The following TTC29 variants were observed in gnomAD, a reference collection of about 807,000 sequenced individuals.
TTC29 encodes tetratricopeptide repeat protein 29.
In TTC29, 49 loss-of-function variants were observed where a neutral mutation model predicts 58.1. The observed-to-expected ratio is 0.84, with a 90% CI of 0.67 to 1.07. The LOEUF is 1.07. Ranked by LOEUF, TTC29 falls within the 50% of genes least tolerant of loss-of-function variation. The pLI is 0.00. For synonymous variants in TTC29, 209 were observed against 196.8 expected (o/e 1.06, Z -0.52); for missense variants, 582 against 555.6 (o/e 1.05, Z -0.48).
chr4:146,776,211 T>C (rs1443857279), intron 11 of TTC29, among the ~76,000 whole-genome samples: 2 of 152,186 alleles, frequency 1.3e-5, no homozygotes, highest in Non-Finnish European at 2.9e-5. Flanking sequence ...AGTCCTTAGA[T>C]TCCTTGGATT....
chr4:146,868,569 T>C (rs941714220), intron 7 of TTC29, among the ~76,000 whole-genome samples: 4 of 152,126 alleles, frequency 2.6e-5, no homozygotes, highest in African/African-American at 9.7e-5. Flanking sequence ...ATTTCAGAAA[T>C]TAACCACTTC....
intron 4 of TTC29, among the ~76,000 whole-genome samples, chr4:146,913,069 T>A (rs1386299408): frequency 1.3e-5 from 2 of 152,128 alleles, no homozygotes; most frequent in African/African-American, 4.8e-5. Flanking sequence ...CTCCACGTGT[T>A]ACCCTAGAAG....
In TTC29 at chr4:146,874,715, C is replaced by A; in HGVS notation, c.799+1G>T. 6.3e-7 allele frequency: 1 copy of A among 1,596,040 alleles called. No individual in the cohort carries two copies. Among genetic ancestry groups the A allele is most frequent in the Non-Finnish European group, 8.5e-7 (1 of 1,170,924 alleles). On this transcript the variant is annotated splice_donor_variant, in intron 7 of 12. Transcript: ENST00000325106. LOFTEE classifies it high-confidence loss of function. ...ATGTGAGAGAGTTCTTTTCCACCCA[C>A]CTTCTTTGGCTATTTCAGAAGCTTT...
At chr4:146,783,638 A>C (rs568212910) in intron 11 of TTC29, among the ~76,000 whole-genome samples, 1 of 152,042 alleles carries the variant, frequency 6.6e-6, no homozygotes, top group East Asian at 1.9e-4. Context: ...TAATGTTTCA[A>C]CAGTTCATCA....
intron 2 of TTC29, among the ~76,000 whole-genome samples, chr4:146,941,599 A>C (rs1488929267): frequency 1.3e-5 from 2 of 152,226 alleles, no homozygotes; most frequent in East Asian, 3.8e-4. Flanking sequence ...CCAATGGCAA[A>C]GGGATGAGTA....
intron 11 of TTC29, among the ~76,000 whole-genome samples, chr4:146,794,973 C>A (rs80192556): frequency 6.6e-6 from 1 of 152,170 alleles, no homozygotes; most frequent in Non-Finnish European, 1.5e-5. Context: ...TTAATAAATG[C>A]AATCCCTCAA....
chr4:146,797,208 C>A (rs553628680), intron 11 of TTC29, among the ~76,000 whole-genome samples: 75 of 152,300 alleles, frequency 4.9e-4, no homozygotes, highest in African/African-American at 1.7e-3. Flanking sequence ...AATCAGATTT[C>A]TCCATTTAAT....
intron 6 of TTC29, among the ~76,000 whole-genome samples, chr4:146,877,407 C>G (rs908881494): frequency 2.0e-5 from 3 of 151,908 alleles, no homozygotes; most frequent in Non-Finnish European, 2.9e-5. Context: ...ACATTGAGAC[C>G]AATACTCAAG....
chr4:146,817,411 C>T (rs2150136183), intron 10 of TTC29, among the ~76,000 whole-genome samples: 1 of 152,238 alleles, frequency 6.6e-6, no homozygotes. Context: ...AATTACAAAC[C>T]ACTGCTCAAT....
intron 10 of TTC29, among the ~76,000 whole-genome samples, chr4:146,817,981 T>C (rs1751531943): frequency 6.6e-6 from 1 of 152,108 alleles, no homozygotes; most frequent in Non-Finnish European, 1.5e-5. Context: ...ATAAAAACCC[T>C]AGAAGAAAAC....
At chr4:146,878,889 G>T (rs67047211) in intron 6 of TTC29, among the ~76,000 whole-genome samples, 4,956 of 152,124 alleles carry the variant, frequency 0.033, 137 homozygotes, top group East Asian at 0.13. Flanking sequence ...TGACATCTGT[G>T]GGGGGCTCTG....
At chr4:146,802,941 T>A (rs879292478) in intron 11 of TTC29, among the ~76,000 whole-genome samples, 2 of 152,224 alleles carry the variant, frequency 1.3e-5, no homozygotes, top group Non-Finnish European at 2.9e-5. Flanking sequence ...TGAATAGAAT[T>A]CTTCAATTCT....
intron 4 of TTC29, among the ~76,000 whole-genome samples, chr4:146,927,545 C>T (rs1004007006): frequency 6.6e-6 from 1 of 152,088 alleles, no homozygotes; most frequent in African/African-American, 2.4e-5. Context: ...GAGTCACAAT[C>T]TATATACTAT....
intron 8 of TTC29, among the ~76,000 whole-genome samples, chr4:146,835,695 A>G (rs1330164733): frequency 6.6e-6 from 1 of 152,152 alleles, no homozygotes; most frequent in African/African-American, 2.4e-5. Context: ...GACTGAAGAC[A>G]GGTTTCCCCA....
At chr4:146,763,237 A>G (rs1256028497) in intron 11 of TTC29, among the ~76,000 whole-genome samples, 1 of 152,100 alleles carries the variant, frequency 6.6e-6, no homozygotes, top group Non-Finnish European at 1.5e-5. Flanking sequence ...CATTAAGTAA[A>G]TATAAAGTTA....
chr4:146,780,716 T>C (rs1319242098), intron 11 of TTC29, among the ~76,000 whole-genome samples: 1 of 151,934 alleles, frequency 6.6e-6, no homozygotes, highest in Non-Finnish European at 1.5e-5. Flanking sequence ...ATAATATAAC[T>C]GTACCAGTTT....
intron 11 of TTC29, among the ~76,000 whole-genome samples, chr4:146,787,433 T>C (rs1260054282): frequency 6.6e-6 from 1 of 152,220 alleles, no homozygotes. Context: ...GTAGTAGTTG[T>C]AGCAAAAGCA....
intron 10 of TTC29, among the ~76,000 whole-genome samples, chr4:146,812,069 T>C (rs1204630384): frequency 6.6e-6 from 1 of 152,176 alleles, no homozygotes. Flanking sequence ...ATCAAAGATA[T>C]TTGTATGCCA....
chr4:146,770,482 C>T (rs1395090329), intron 11 of TTC29, among the ~76,000 whole-genome samples: 3 of 151,832 alleles, frequency 2.0e-5, no homozygotes, highest in Non-Finnish European at 4.4e-5. Flanking sequence ...AAATATTCCT[C>T]GAATTGGCCT....
Sources: gnomAD v4.1 joint callset for allele counts (sites outside exome capture counted in the v4.1 genomes callset) on GRCh38, gnomAD v4.1.1 for gene constraint, MANE v1.5 for transcripts, NCBI Gene and HGNC (gene_info 2026-07-23, HGNC 2026-07-21) for gene names.